The following ATAD3C variants were observed in gnomAD, a reference collection of about 807,000 sequenced individuals.
ATAD3C encodes the protein ATPase family AAA domain containing 3C, also known as ATPase family AAA domain-containing protein 3C.
A neutral mutation model predicts 46.3 loss-of-function variants in ATAD3C; 38 were observed. The ratio of observed to expected loss-of-function variants is 0.82; its 90% CI spans 0.63 to 1.08. ATAD3C has a LOEUF of 1.08. Ranked by LOEUF, ATAD3C falls within the 50% of genes least tolerant of loss-of-function variation. ATAD3C has a pLI of 0.00. For missense variants in ATAD3C, 563 were observed against 572.7 expected (o/e 0.98, Z 0.17); for synonymous variants, 220 against 236.4 (o/e 0.93, Z 0.63).
At position 1,460,876 on chromosome 1, in the gene ATAD3C, T is replaced by G; in HGVS notation, c.939T>G (p.Tyr313Ter). 1 of 1,612,690 alleles carries G rather than the reference T, an allele frequency of 6.2e-7. No homozygotes were observed. The highest frequency in any genetic ancestry group is 8.5e-7 in the Non-Finnish European group (1 of 1,179,270). The change falls in exon 10 of 12, where the codon TAT becomes TAG. Residue 313 changes from tyrosine (Y) to a stop codon, truncating the protein, a stop_gained. Transcript: ENST00000378785. LOFTEE classifies it high-confidence loss of function. ...QEERARLVRM[Y>*]LNEYVLKPAT... Reference sequence around the variant, plus strand: ...AGCGGGCGCGCCTGGTGAGAATGTATCTTAACGAGTATGTTCTTAAGCCGG... The same window carrying G: ...AGCGGGCGCGCCTGGTGAGAATGTAGCTTAACGAGTATGTTCTTAAGCCGG...
intron 8 of ATAD3C, among the ~76,000 whole-genome samples, chr1:1,458,256 C>T (rs972077438): frequency 6.6e-6 from 1 of 151,796 alleles, no homozygotes; most frequent in Non-Finnish European, 1.5e-5. Flanking sequence ...GCTGGGATTA[C>T]ATGCGTGATC....
chr1:1,465,396 C>G (rs1639129296), intron 11 of ATAD3C, among the ~76,000 whole-genome samples: 1 of 150,292 alleles, frequency 6.7e-6, no homozygotes. Context: ...TTGAGACCAT[C>G]CTGGCTAACA....
intron 8 of ATAD3C, among the ~76,000 whole-genome samples, chr1:1,457,517 A>AC (rs1380460169): frequency 7.2e-6 from 1 of 139,338 alleles, no homozygotes; most frequent in Non-Finnish European, 1.5e-5. Flanking sequence ...AATGGCGTGA[A>AC]CCCGGGAGGC....
chr1:1,458,260 C>T (rs754168057), intron 8 of ATAD3C, among the ~76,000 whole-genome samples: 2 of 151,836 alleles, frequency 1.3e-5, no homozygotes, highest in Non-Finnish European at 2.9e-5. Flanking sequence ...GGATTACATG[C>T]GTGATCCACC....
Position 1,469,796 on chromosome 1 carries a change from C to T in ATAD3C, c.*1266C>T, listed in dbSNP as rs1639212368. 6.6e-6 allele frequency: 1 copy of T among 151,908 alleles called. No individual in the cohort carries two copies. The highest frequency in any genetic ancestry group is 2.0e-4 in the South Asian group (1 of 5,018). 9.4% of individuals were successfully genotyped at this position (151,908 alleles called of 1,614,324 possible). A position where few individuals can be genotyped will look rare whatever the true frequency, so the allele number is the denominator to read the frequency against. ...TCAGGCCTCTGGGCCCAAGCTAAGC[C>T]ATCATATCTCCTGTGACCTGCACTT... On this transcript the variant is annotated 3_prime_UTR_variant, in exon 12 of 12. Coordinates refer to ENST00000378785, the MANE Select transcript of ATAD3C (RefSeq NM_001039211.3).
chr1:1,463,261 C>T (rs530987635), intron 11 of ATAD3C, among the ~76,000 whole-genome samples: 14 of 152,150 alleles, frequency 9.2e-5, no homozygotes, highest in Non-Finnish European at 1.8e-4. Context: ...AGTGTGGGCA[C>T]GGCCATCCAG....
chr1:1,461,078 A>G (rs148408734), intron 10 of ATAD3C, among the ~76,000 whole-genome samples, 161 bp downstream of exon 10: 4,300 of 152,078 alleles, frequency 0.028, 147 homozygotes, highest in African/African-American at 0.066. Flanking sequence ...CAAGGGTCCC[A>G]GAGGCCGCAT....
At position 1,454,288 on chromosome 1, in the gene ATAD3C, G is replaced by T. The variant is rs1004676036; in HGVS notation, c.223-57G>T. On this transcript the variant is annotated intron_variant, in intron 3 of 11. Transcript: ENST00000378785. ...GTGGGGGCAGCCCCGTGCGTCTCCTGCTCTAGGAGGGAGGGACGGTGGGGG... is the reference window on the plus strand; with the variant it reads ...GTGGGGGCAGCCCCGTGCGTCTCCTTCTCTAGGAGGGAGGGACGGTGGGGG... The T allele has an allele frequency of 6.8e-5, 105 of 1,554,186 alleles. 2 individuals carry two copies. The highest frequency in any genetic ancestry group is 9.0e-5 in the Non-Finnish European group (104 of 1,149,982).
intron 9 of ATAD3C, among the ~76,000 whole-genome samples, chr1:1,460,493 C>T (rs767666050): frequency 3.9e-5 from 6 of 151,952 alleles, no homozygotes; most frequent in African/African-American, 9.7e-5. Context: ...TCAGGCTGGG[C>T]GACGGTCAGC....
In ATAD3C at chr1:1,455,824, A is replaced by G. The variant is rs888367498; in HGVS notation, c.472A>G (p.Ile158Val). ...SLEARVRDIA[I>V]MTRNIKKNRG... ...GGAAGCACGGGTGCGCGACATCGCC[A>G]TAATGACAAGGAACATCAAGAAGAA... is the stretch of plus-strand genomic sequence containing the variant. The change falls in exon 6 of 12, where the codon ATA becomes GTA. Residue 158 changes from isoleucine to valine, a missense_variant. By Grantham distance (29) the Ile-to-Val change is conservative (BLOSUM62 3). Coordinates refer to ENST00000378785, the MANE Select transcript of ATAD3C (RefSeq NM_001039211.3). 4.3e-6 allele frequency: 7 copies of G among 1,613,404 alleles called. No homozygotes were observed. The highest frequency in any genetic ancestry group is 4.2e-6 in the Non-Finnish European group (5 of 1,179,712).
At chr1:1,461,652 AG>A (rs1317446890) in intron 10 of ATAD3C, among the ~76,000 whole-genome samples, 1 of 150,336 alleles carries the variant, frequency 6.7e-6, no homozygotes, top group Non-Finnish European at 1.5e-5. Flanking sequence ...TAGGGACTGG[AG>A]GGAGAGGCTC....
intron 8 of ATAD3C, among the ~76,000 whole-genome samples, chr1:1,457,643 CTTAAAG>C (rs200180843): frequency 1.4e-5 from 2 of 146,424 alleles, no homozygotes; most frequent in East Asian, 4.0e-4. Context: ...TTTAGGTCAG[CTTAAAG>C]TTAAGGTTTG....
At chr1:1,463,523 A>G (rs1343618674) in intron 11 of ATAD3C, among the ~76,000 whole-genome samples, 1 of 152,016 alleles carries the variant, frequency 6.6e-6, no homozygotes, top group East Asian at 1.9e-4. Flanking sequence ...GCTGTGACAA[A>G]GAACCCCAGA....
rs561644124 is a variant in ATAD3C, at chr1:1,462,724, G to A, written c.1089+16G>A. The A allele has an allele frequency of 9.4e-6, 15 of 1,590,764 alleles. No individual in the cohort carries two copies. In the African/African-American group the frequency reaches 1.7e-4, roughly 18 times the overall value. ...GTCCTGGCAGGTGAGTCAGGCTCGGGTGCACCCACCCAGATGGAAGCCCAG... is the reference window on the plus strand; with the variant it reads ...GTCCTGGCAGGTGAGTCAGGCTCGGATGCACCCACCCAGATGGAAGCCCAG... On this transcript the variant is annotated intron_variant, in intron 11 of 11. Transcript: ENST00000378785. The surrounding 1 kb of genome is among the most constrained non-coding windows in gnomAD (Gnocchi z 4.5).
Position 1,450,420 on chromosome 1 carries a change from C to T in ATAD3C, c.-264C>T, listed in dbSNP as rs1638834924. 1 of 475,638 alleles carries T rather than the reference C, an allele frequency of 2.1e-6. No individual in the cohort carries two copies. The highest frequency in any genetic ancestry group is 3.2e-5 in the South Asian group (1 of 30,864). The allele number at this position is 475,638 out of a possible 1,614,324, so 29.5% of individuals were successfully genotyped here. On this transcript the variant is annotated 5_prime_UTR_variant, in exon 1 of 12. Coordinates refer to ENST00000378785, the MANE Select transcript of ATAD3C (RefSeq NM_001039211.3). ...AATTGGGAAAGAGCCTCCTCCCGTC[C>T]ACATGGGATGGCCTTCCTGATGTGG...
rs1460379812 is a variant in ATAD3C, at chr1:1,462,126, A to G, written c.981-474A>G. On this transcript the variant is annotated intron_variant, in intron 10 of 11. Transcript: ENST00000378785. The surrounding 1 kb of genome is among the most constrained non-coding windows in gnomAD (Gnocchi z 4.5). ...ACAAAAGCTGCTCTGTTCCAAAGAGAGCCTGGTTCTCCCCTGCCGACCCCT... is the reference window on the plus strand; with the variant it reads ...ACAAAAGCTGCTCTGTTCCAAAGAGGGCCTGGTTCTCCCCTGCCGACCCCT... Among the ~76,000 whole-genome samples the G allele has an allele frequency of 6.6e-6, 1 of 151,926 alleles. No individual in the cohort carries two copies. The highest frequency in any genetic ancestry group is 1.9e-4 in the East Asian group (1 of 5,188).
rs1638943037 is a variant in ATAD3C at position 1,455,502 on chromosome 1, G to T, written c.421G>T (p.Glu141Ter). Residue 141 changes from glutamate to a stop codon, truncating the protein, a stop_gained, in exon 5 of 12, where the codon GAG becomes TAG. Transcript: ENST00000378785. LOFTEE classifies it high-confidence loss of function. ...CCTCAGTCGACCCCAGGACGTGCTG[G>T]AGGGTGTTGTGCTTAGTGTAAGTCG... ...RLLSRPQDVL[E>*]GVVLSPSLEA... 6.2e-7 allele frequency: 1 copy of T among 1,612,622 alleles called. No individual in the cohort carries two copies. Among genetic ancestry groups the T allele is most frequent in the African/African-American group, 1.3e-5 (1 of 74,958 alleles).
rs750531612 is a variant in ATAD3C at position 1,459,280 on chromosome 1, G to A, written c.812+49G>A. ...GGCCCCCGGGCAGGGCTGTGCAGCC[G>A]TCACCCTTGGTTCCCACCGAGGGAC... On this transcript the variant is annotated intron_variant, in intron 9 of 11. Coordinates refer to ENST00000378785, the MANE Select transcript of ATAD3C (RefSeq NM_001039211.3). The surrounding 1 kb of genome is among the most constrained non-coding windows in gnomAD (Gnocchi z 4.9). The A allele has an allele frequency of 3.3e-5, 53 of 1,603,958 alleles. No individual in the cohort carries two copies. Among genetic ancestry groups the A allele is most frequent in the African/African-American group, 2.4e-4 (17 of 69,442 alleles).
intron 11 of ATAD3C, among the ~76,000 whole-genome samples, 156 bp from the exon 12 acceptor site, chr1:1,468,228 C>G (rs1240728): frequency 0.018 from 2,665 of 152,160 alleles, 84 homozygotes; most frequent in African/African-American, 0.06. Flanking sequence ...TGTCCACACA[C>G]GTGCTGGGCT....
Sources: gnomAD v4.1 joint callset for allele counts (sites outside exome capture counted in the v4.1 genomes callset) on GRCh38, gnomAD v4.1.1 for gene constraint, Gnocchi (gnomAD v3.1) non-coding constraint, MANE v1.5 for transcripts, NCBI Gene and HGNC (gene_info 2026-07-23, HGNC 2026-07-21) for gene names.